SBF2: variants seen among roughly 807,000 people sequenced by gnomAD.
SBF2 encodes the protein myotubularin-related protein 13.
In SBF2, 112 loss-of-function variants were observed where a neutral mutation model predicts 225.2. The observed-to-expected ratio is 0.50, with a 90% CI of 0.43 to 0.58. The LOEUF (loss-of-function observed/expected upper bound fraction) is 0.58. SBF2 is among the 20% of genes least tolerant of loss of function. SBF2 has a pLI of 0.00. For missense variants in SBF2, 1,996 were observed against 2,206.2 expected (o/e 0.90, Z 1.91); for synonymous variants, 763 against 773.3 (o/e 0.99, Z 0.22).
At chr11:10,107,352 G>A (rs1952600760) in intron 2 of SBF2, among the ~76,000 whole-genome samples, 1 of 152,128 alleles carries the variant, frequency 6.6e-6, no homozygotes, top group Admixed American at 6.5e-5. Flanking sequence ...ATTAATCAAT[G>A]CAATAACAAA....
intron 16 of SBF2, among the ~76,000 whole-genome samples, chr11:9,950,116 G>C (rs1252680172): frequency 1.3e-5 from 2 of 151,882 alleles, no homozygotes; most frequent in Non-Finnish European, 1.5e-5. Flanking sequence ...TTATGAACTG[G>C]AGAACCAGGA....
intron 26 of SBF2, among the ~76,000 whole-genome samples, chr11:9,835,622 ACCT>A (rs1190554177): frequency 5.2e-5 from 7 of 133,814 alleles, no homozygotes; most frequent in African/African-American, 1.8e-4. Context: ...ACAGAGCAAG[ACCT>A]TGTCTCAAAA....
At chr11:10,147,678 A>G (rs1339053426) in intron 2 of SBF2, among the ~76,000 whole-genome samples, 4 of 152,170 alleles carry the variant, frequency 2.6e-5, no homozygotes, top group Non-Finnish European at 5.9e-5. Flanking sequence ...ACATAAATTT[A>G]CCTATATAAA....
chr11:9,963,976 C>G, intron 14 of SBF2, 94 bp from the exon 15 acceptor site: 1 of 751,276 alleles, frequency 1.3e-6, no homozygotes, highest in Non-Finnish European at 2.3e-6. Flanking sequence ...GTAGGTTGGG[C>G]GTGGAGGCTC....
At chr11:9,889,236 G>A (rs751400066) in intron 17 of SBF2, among the ~76,000 whole-genome samples, 19 of 152,156 alleles carry the variant, frequency 1.2e-4, no homozygotes, top group African/African-American at 1.9e-4. Context: ...TGACACAAGT[G>A]ACTTTTCTAA....
Position 10,233,928 on chromosome 11 carries a change from C to T in SBF2, c.56-39941G>A, listed in dbSNP as rs77726078. Reference sequence around the variant, plus strand: ...TCTGCATCATGGTGAGGAGACTCCCCTGGCCCTATGTTGTTTTCATTAATC... The same window carrying T: ...TCTGCATCATGGTGAGGAGACTCCCTTGGCCCTATGTTGTTTTCATTAATC... On this transcript the variant is annotated intron_variant, in intron 1 of 39. Transcript: ENST00000256190. Among the ~76,000 whole-genome samples the T allele has an allele frequency of 8.7e-3, 1,332 of 152,264 alleles. 42 individuals carry two copies. The East Asian group carries it at 0.12, about 13-fold the overall frequency.
At chr11:10,162,264 A>G (rs1955785369) in intron 2 of SBF2, among the ~76,000 whole-genome samples, 1 of 151,676 alleles carries the variant, frequency 6.6e-6, no homozygotes, top group South Asian at 2.1e-4. Flanking sequence ...ATTCTGTTAC[A>G]GGCATTTAGT....
intron 2 of SBF2, among the ~76,000 whole-genome samples, chr11:10,044,060 A>C (rs1332653648): frequency 6.6e-6 from 1 of 152,228 alleles, no homozygotes; most frequent in East Asian, 1.9e-4. Flanking sequence ...TAAAGTCAGT[A>C]AACTAAGCTT....
At chr11:10,072,772 C>T (rs919861199) in intron 2 of SBF2, among the ~76,000 whole-genome samples, 6 of 145,344 alleles carry the variant, frequency 4.1e-5, no homozygotes, top group African/African-American at 7.7e-5. Flanking sequence ...CATTCTGTTG[C>T]CCAGGCTGGA....
At chr11:10,018,709 T>C (rs964827215) in intron 6 of SBF2, among the ~76,000 whole-genome samples, 1 of 152,210 alleles carries the variant, frequency 6.6e-6, no homozygotes, top group Non-Finnish European at 1.5e-5. Context: ...CACATGTGAT[T>C]TGAGCAAGCA....
intron 6 of SBF2, 122 bp downstream of exon 6, chr11:10,028,330 A>G: frequency 2.8e-6 from 2 of 705,680 alleles, no homozygotes; most frequent in South Asian, 1.5e-5. Flanking sequence ...TCTCCTATAT[A>G]TAAAATATTT....
upstream of SBF2, among the ~76,000 whole-genome samples, chr11:10,296,550 G>T (rs948870244): frequency 2.0e-5 from 3 of 152,000 alleles, no homozygotes; most frequent in Non-Finnish European, 4.4e-5. Context: ...GGAATTATGG[G>T]GTACAATTCA....
intron 25 of SBF2, among the ~76,000 whole-genome samples, chr11:9,841,526 C>T (rs1269272767): frequency 1.8e-5 from 2 of 112,452 alleles, no homozygotes; most frequent in African/African-American, 6.6e-5. Context: ...TACAAAACCA[C>T]ATAGGTTCTT....
chr11:10,238,732 G>A (rs946142717), intron 1 of SBF2, among the ~76,000 whole-genome samples: 3 of 150,632 alleles, frequency 2.0e-5, no homozygotes, highest in Admixed American at 2.0e-4. Context: ...AGCCAACATG[G>A]TGAAACTCTG....
rs144181798 is a variant in SBF2 at position 10,181,680 on chromosome 11, T to G, written c.141+12222A>C. The stretch of plus-strand genomic sequence containing the variant: ...CCTTCCTGGACACATCTCAATTCAA[T>G]GCAATAGTAAACTATTTCTGAATGT... On this transcript the variant is annotated intron_variant, in intron 2 of 39. Coordinates refer to ENST00000256190, the MANE Select transcript of SBF2 (RefSeq NM_030962.4). Among the ~76,000 whole-genome samples, 129 of 152,226 alleles carry G rather than the reference T, an allele frequency of 8.5e-4. 1 individual carries two copies. The highest frequency in any genetic ancestry group is 2.9e-3 in the African/African-American group (122 of 41,576).
chr11:10,138,871 C>G (rs1954511156), intron 2 of SBF2, among the ~76,000 whole-genome samples: 1 of 152,052 alleles, frequency 6.6e-6, no homozygotes, highest in South Asian at 2.1e-4. Flanking sequence ...GGTGTATTTA[C>G]CATGAACATT....
At chr11:10,085,794 C>T (rs909946888) in intron 2 of SBF2, among the ~76,000 whole-genome samples, 6 of 152,008 alleles carry the variant, frequency 3.9e-5, no homozygotes, top group Non-Finnish European at 7.4e-5. Context: ...TTCCTTCTCC[C>T]TGCTCATACC....
chr11:10,139,114 C>T (rs1369494373), intron 2 of SBF2, among the ~76,000 whole-genome samples: 2 of 152,068 alleles, frequency 1.3e-5, no homozygotes, highest in Non-Finnish European at 1.5e-5. Context: ...CAGAAAATTA[C>T]ATATTTAAAT....
intron 2 of SBF2, among the ~76,000 whole-genome samples, chr11:10,097,846 T>C (rs1216432687): frequency 2.0e-5 from 3 of 152,020 alleles, no homozygotes; most frequent in Admixed American, 2.0e-4. Flanking sequence ...AGTAAAAGCA[T>C]AGTGAGTTCC....
Sources: allele counts gnomAD v4.1 joint callset (sites outside exome capture counted in the v4.1 genomes callset), GRCh38; gene constraint gnomAD v4.1.1; transcripts MANE v1.5; gene names NCBI Gene and HGNC (gene_info 2026-07-23, HGNC 2026-07-21).